The following SLC24A3 variants were observed in gnomAD, a reference collection of about 807,000 sequenced individuals.
SLC24A3 encodes sodium/potassium/calcium exchanger 3.
In SLC24A3, 28 loss-of-function variants were observed where a neutral mutation model predicts 75.8. That is an observed-to-expected ratio of 0.37 (90% CI 0.27 to 0.51). The LOEUF (loss-of-function observed/expected upper bound fraction) is 0.51. Among genes scored for constraint, SLC24A3 ranks in the 20% least tolerant of loss-of-function variants. The probability of loss-of-function intolerance (pLI) is 0.94; values close to 1 mark genes in which losing one functional copy is unlikely to be tolerated. For synonymous variants in SLC24A3, 372 were observed against 334.1 expected (o/e 1.11, Z -1.24); for missense variants, 663 against 847.8 (o/e 0.78, Z 2.71).
At chr20:19,524,526 C>T (rs1010256758) in intron 3 of SLC24A3, among the ~76,000 whole-genome samples, 1 of 152,124 alleles carries the variant, frequency 6.6e-6, no homozygotes, top group African/African-American at 2.4e-5. Context: ...TTAGCTCATC[C>T]CTGCCCTTCA....
intron 15 of SLC24A3, among the ~76,000 whole-genome samples, chr20:19,700,410 G>A (rs2032856797): frequency 7.4e-6 from 1 of 135,732 alleles, no homozygotes; most frequent in Non-Finnish European, 1.6e-5. Context: ...TTCTGATGAG[G>A]CCTGGAAGTG....
At chr20:19,585,612 G>T in intron 6 of SLC24A3, 68 bp downstream of exon 6, 2 of 1,454,914 alleles carry the variant, frequency 1.4e-6, no homozygotes, top group Non-Finnish European at 9.6e-7. Flanking sequence ...TGGAGTTTAG[G>T]CAGGAGACTG....
At chr20:19,238,635 G>C (rs1266978477) in intron 1 of SLC24A3, among the ~76,000 whole-genome samples, 3 of 152,188 alleles carry the variant, frequency 2.0e-5, no homozygotes, top group African/African-American at 4.8e-5. Flanking sequence ...TTATTGGATT[G>C]AAAGGGCTCA....
Position 19,351,983 on chromosome 20 carries a change from C to T in SLC24A3, c.271+70896C>T, listed in dbSNP as rs111573602. On this transcript the variant is annotated intron_variant, in intron 2 of 16. Transcript: ENST00000328041. ...CAAGCAGAGCCTGAGGTGAGGACTCCGGAGCCTGTGTTTTATTGAGGGAGA... is the reference window on the plus strand; with the variant it reads ...CAAGCAGAGCCTGAGGTGAGGACTCTGGAGCCTGTGTTTTATTGAGGGAGA... Among the ~76,000 whole-genome samples the T allele has an allele frequency of 5.4e-3, 815 of 151,924 alleles. 4 individuals carry two copies. Among genetic ancestry groups the T allele is most frequent in the African/African-American group, 0.019 (783 of 41,440 alleles).
intron 3 of SLC24A3, among the ~76,000 whole-genome samples, chr20:19,546,233 C>T (rs986200666): frequency 5.4e-5 from 8 of 147,264 alleles, no homozygotes; most frequent in South Asian, 4.3e-4. Context: ...TTCTCCAGGA[C>T]GCAGGATGTG....
intron 2 of SLC24A3, among the ~76,000 whole-genome samples, chr20:19,485,637 C>T (rs1600248938): frequency 6.6e-6 from 1 of 152,112 alleles, no homozygotes; most frequent in African/African-American, 2.4e-5. Context: ...TCTATTCAAA[C>T]ATACATACAC....
At chr20:19,634,192 C>T (rs1212263016) in intron 6 of SLC24A3, among the ~76,000 whole-genome samples, 1 of 152,130 alleles carries the variant, frequency 6.6e-6, no homozygotes, top group South Asian at 2.1e-4. Context: ...AGGGAAGCTG[C>T]CTATCTCTTT....
chr20:19,585,652 C>G (rs1423517835), intron 6 of SLC24A3, 108 bp downstream of exon 6: 8 of 1,091,550 alleles, frequency 7.3e-6, no homozygotes, highest in Non-Finnish European at 1.1e-5. Flanking sequence ...GCATTAGGGC[C>G]CAGTGGTTTG....
chr20:19,514,618 A>G (rs533215820), intron 2 of SLC24A3, among the ~76,000 whole-genome samples: 1 of 152,332 alleles, frequency 6.6e-6, no homozygotes, highest in South Asian at 2.1e-4. Context: ...CGGAGGGACC[A>G]CAGGAGGCTT....
At chr20:19,511,258 A>T (rs1448948379) in intron 2 of SLC24A3, among the ~76,000 whole-genome samples, 1 of 152,068 alleles carries the variant, frequency 6.6e-6, no homozygotes, top group African/African-American at 2.4e-5. Flanking sequence ...CCCCAGCCTA[A>T]GGCATGGGCA....
At chr20:19,226,129 G>A (rs1032536039) in intron 1 of SLC24A3, among the ~76,000 whole-genome samples, 2 of 152,126 alleles carry the variant, frequency 1.3e-5, no homozygotes, top group Non-Finnish European at 2.9e-5. Flanking sequence ...TTTATCAAGG[G>A]TGGATATTGG....
intron 2 of SLC24A3, chr20:19,355,269 A>G (rs562121710): frequency 6.6e-6 from 1 of 152,302 alleles, no homozygotes; most frequent in East Asian, 1.9e-4. Context: ...CGCAGACTTT[A>G]TCCACTAGCT....
chr20:19,303,354 C>T (rs10854245), intron 2 of SLC24A3, among the ~76,000 whole-genome samples: 49,826 of 152,066 alleles, frequency 0.33, 8,954 homozygotes, highest in Middle Eastern at 0.54. Context: ...TCTTTTCTTA[C>T]GGCTGCATGG....
At chr20:19,540,160 C>G (rs538902038) in intron 3 of SLC24A3, among the ~76,000 whole-genome samples, 1 of 152,150 alleles carries the variant, frequency 6.6e-6, no homozygotes, top group African/African-American at 2.4e-5. Flanking sequence ...TCAAAGTACT[C>G]AGCATACCAA....
intron 10 of SLC24A3, 79 bp downstream of exon 10, chr20:19,682,070 T>C: frequency 1.4e-6 from 2 of 1,472,284 alleles, no homozygotes; most frequent in Non-Finnish European, 9.3e-7. Context: ...CTGGCCAACA[T>C]GGCAAATCCC....
intron 1 of SLC24A3, among the ~76,000 whole-genome samples, chr20:19,226,326 G>A (rs963122045): frequency 1.8e-4 from 28 of 152,002 alleles, no homozygotes; most frequent in African/African-American, 6.5e-4. Flanking sequence ...GATCATATTC[G>A]GTTGAGGGCT....
At chr20:19,358,433 C>T (rs1205334227) in intron 2 of SLC24A3, among the ~76,000 whole-genome samples, 1 of 152,042 alleles carries the variant, frequency 6.6e-6, no homozygotes, top group East Asian at 1.9e-4. Flanking sequence ...AGGAAATGAC[C>T]CCTCTTGATA....
intron 3 of SLC24A3, among the ~76,000 whole-genome samples, chr20:19,549,233 G>A (rs1381189495): frequency 6.6e-6 from 1 of 152,348 alleles, no homozygotes; most frequent in South Asian, 2.1e-4. Context: ...CCACTTCTCT[G>A]TGAAGGCTTT....
At chr20:19,472,678 G>C (rs1987894866) in intron 2 of SLC24A3, among the ~76,000 whole-genome samples, 1 of 152,206 alleles carries the variant, frequency 6.6e-6, no homozygotes, top group African/African-American at 2.4e-5. Context: ...GGGGAGCCAA[G>C]ACCTCCTACA....
Sources: allele counts gnomAD v4.1 joint callset (sites outside exome capture counted in the v4.1 genomes callset), GRCh38; gene constraint gnomAD v4.1.1; transcripts MANE v1.5; gene names NCBI Gene and HGNC (gene_info 2026-07-23, HGNC 2026-07-21).